Variants in AKR1C8 observed in about 807,000 individuals in gnomAD.
AKR1C8 encodes the protein aldo-keto reductase family 1 member C-like protein 1.
At chr10:5,116,433 G>T in the AKR1C8 span, among the ~76,000 whole-genome samples, 1 of 152,082 alleles carries the variant, frequency 6.6e-6, no homozygotes, top group Non-Finnish European at 1.5e-5. Context: ...GCTGAGTGGT[G>T]CCACTTCCAC....
the AKR1C8 span, among the ~76,000 whole-genome samples, chr10:5,137,303 G>A: frequency 1.3e-5 from 2 of 152,002 alleles, no homozygotes; most frequent in African/African-American, 4.8e-5. Flanking sequence ...ACAAAAAAGA[G>A]AATTTTAGAC....
the AKR1C8 span, among the ~76,000 whole-genome samples, chr10:5,134,489 C>T: frequency 6.6e-6 from 1 of 152,146 alleles, no homozygotes; most frequent in Non-Finnish European, 1.5e-5. Flanking sequence ...CCATCCATAC[C>T]ATTTTGATAC....
At chr10:5,164,626 T>C in the AKR1C8 span, among the ~76,000 whole-genome samples, 1 of 152,100 alleles carries the variant, frequency 6.6e-6, no homozygotes, top group Non-Finnish European at 1.5e-5. Context: ...GCTGCCAGCC[T>C]TACAAGACTC....
At chr10:5,167,001 G>T in the AKR1C8 span, among the ~76,000 whole-genome samples, 5 of 150,554 alleles carry the variant, frequency 3.3e-5, no homozygotes, top group Non-Finnish European at 7.4e-5. Context: ...CTCAAAAGAA[G>T]ACATTTATGC....
the AKR1C8 span, among the ~76,000 whole-genome samples, chr10:5,119,750 A>G: frequency 1.3e-5 from 2 of 152,194 alleles, no homozygotes; most frequent in African/African-American, 4.8e-5. Flanking sequence ...GTATCACTCA[A>G]TAGCTCATGG....
the AKR1C8 span, among the ~76,000 whole-genome samples, chr10:5,177,005 C>G: frequency 1.3e-5 from 2 of 151,926 alleles, no homozygotes; most frequent in Non-Finnish European, 2.9e-5. Flanking sequence ...CCAGAACTTC[C>G]AACACTATGT....
At chr10:5,178,839 T>TC in the AKR1C8 span, among the ~76,000 whole-genome samples, 1 of 152,174 alleles carries the variant, frequency 6.6e-6, no homozygotes, top group East Asian at 1.9e-4. Flanking sequence ...TGGTAGATCT[T>TC]CCTCCATCCT....
chr10:5,177,483 G>T, the AKR1C8 span, among the ~76,000 whole-genome samples: 5 of 152,126 alleles, frequency 3.3e-5, no homozygotes, highest in Non-Finnish European at 7.4e-5. Context: ...TCAGGATGAT[G>T]CTGGCCTCGT....
the AKR1C8 span, among the ~76,000 whole-genome samples, chr10:5,122,337 C>T: frequency 6.6e-6 from 1 of 152,314 alleles, no homozygotes; most frequent in Non-Finnish European, 1.5e-5. Flanking sequence ...TGAGCTCTGC[C>T]TCTTCTCCAT....
At chr10:5,155,944 C>G in the AKR1C8 span, among the ~76,000 whole-genome samples, 3 of 152,102 alleles carry the variant, frequency 2.0e-5, no homozygotes, top group African/African-American at 7.2e-5. Flanking sequence ...TTCATTCTGC[C>G]TCTTCTCCAT....
At chr10:5,134,469 T>G in the AKR1C8 span, among the ~76,000 whole-genome samples, 1 of 152,210 alleles carries the variant, frequency 6.6e-6, no homozygotes, top group Non-Finnish European at 1.5e-5. Flanking sequence ...CCTACTTTCA[T>G]GTCAGGGGAC....
chr10:5,143,070 C>A, the AKR1C8 span, among the ~76,000 whole-genome samples: 5 of 152,062 alleles, frequency 3.3e-5, no homozygotes, highest in Non-Finnish European at 5.9e-5. Context: ...TATGCCAATA[C>A]ATGGTAGGGC....
chr10:5,173,375 G>A, the AKR1C8 span, among the ~76,000 whole-genome samples: 41 of 152,098 alleles, frequency 2.7e-4, no homozygotes, highest in African/African-American at 9.7e-4. Context: ...GATGGCAGAG[G>A]TGGTTTTTGA....
chr10:5,120,942 T>C, the AKR1C8 span, among the ~76,000 whole-genome samples: 1 of 152,164 alleles, frequency 6.6e-6, no homozygotes, highest in Non-Finnish European at 1.5e-5. Flanking sequence ...TTCCAAGCCA[T>C]GCTAATTATG....
the AKR1C8 span, among the ~76,000 whole-genome samples, chr10:5,124,277 A>C: frequency 2.0e-5 from 3 of 152,208 alleles, no homozygotes; most frequent in African/African-American, 4.8e-5. Context: ...AAGTAAAATC[A>C]ATCATAAATT....
chr10:5,165,689 T>A, the AKR1C8 span, among the ~76,000 whole-genome samples: 1 of 152,136 alleles, frequency 6.6e-6, no homozygotes, highest in East Asian at 1.9e-4. Flanking sequence ...TTATGTTTAA[T>A]AGTCAATCAG....
At chr10:5,137,152 G>T in the AKR1C8 span, among the ~76,000 whole-genome samples, 2 of 152,024 alleles carry the variant, frequency 1.3e-5, no homozygotes, top group African/African-American at 4.8e-5. Flanking sequence ...GTAATCTTTT[G>T]GCTGCTAGAA....
At chr10:5,157,800 C>A in the AKR1C8 span, 1 of 470,004 alleles carries the variant, frequency 2.1e-6, no homozygotes, top group East Asian at 7.0e-5. Context: ...CGGGATCCAC[C>A]CTGTTGGGGA....
At chr10:5,124,242 A>C in the AKR1C8 span, among the ~76,000 whole-genome samples, 1 of 152,350 alleles carries the variant, frequency 6.6e-6, no homozygotes, top group Admixed American at 6.5e-5. Context: ...ATGTTTGTAT[A>C]GATTTGAACA....
Sources: gnomAD v4.1 joint callset for allele counts (sites outside exome capture counted in the v4.1 genomes callset) on GRCh38, gnomAD v4.1.1 for gene constraint, MANE v1.5 for transcripts, NCBI Gene and HGNC (gene_info 2026-07-23, HGNC 2026-07-21) for gene names.